The following CLVS1 variants were observed in gnomAD, a reference collection of about 807,000 sequenced individuals.
CLVS1 encodes clavesin-1.
CLVS1 carries 10 observed loss-of-function variants against 33.1 expected under a neutral mutation model. The ratio of observed to expected loss-of-function variants is 0.30; its 90% confidence interval spans 0.19 to 0.51. The LOEUF (loss-of-function observed/expected upper bound fraction) is 0.51. Ranked by LOEUF, CLVS1 falls within the 20% of genes least tolerant of loss-of-function variation. The pLI, the probability that CLVS1 is intolerant of heterozygous loss-of-function variation, is 0.97. For synonymous variants in CLVS1, 163 were observed against 166.1 expected (o/e 0.98, Z 0.14); for missense variants, 343 against 433.4 (o/e 0.79, Z 1.85).
chr8:61,167,402 G>A (rs1447769371), intron 2 of CLVS1, among the ~76,000 whole-genome samples: 2 of 151,818 alleles, frequency 1.3e-5, no homozygotes, highest in African/African-American at 2.4e-5. Flanking sequence ...GGCTGGTCTC[G>A]AAATCCTAAC....
At chr8:61,083,215 T>C (rs1805056885) in intron 1 of CLVS1, among the ~76,000 whole-genome samples, 1 of 152,168 alleles carries the variant, frequency 6.6e-6, no homozygotes, top group South Asian at 2.1e-4. Context: ...TCGGTAACTA[T>C]ACGTGCCACT....
intron 2 of CLVS1, among the ~76,000 whole-genome samples, chr8:61,145,104 T>C (rs1806388191): frequency 6.6e-6 from 1 of 152,174 alleles, no homozygotes. Context: ...AATTGACAAA[T>C]GAGATCTAAT....
chr8:61,433,683 G>A (rs1048335575), intron 3 of CLVS1, among the ~76,000 whole-genome samples: 18 of 152,056 alleles, frequency 1.2e-4, no homozygotes, highest in Non-Finnish European at 1.6e-4. Context: ...CCCCTGACCA[G>A]GTTTGAAGGG....
At chr8:61,470,813 C>T (rs145441343) in intron 5 of CLVS1, among the ~76,000 whole-genome samples, 1 of 152,208 alleles carries the variant, frequency 6.6e-6, no homozygotes, top group Non-Finnish European at 1.5e-5. Flanking sequence ...TTGTAGATAT[C>T]AGCTGAGCTT....
intron 3 of CLVS1, among the ~76,000 whole-genome samples, chr8:61,408,398 G>A (rs1815077500): frequency 6.6e-6 from 1 of 152,156 alleles, no homozygotes. Flanking sequence ...CGATTGAAAA[G>A]ACAGGCAAGT....
At chr8:61,134,028 T>C (rs1355052097) in intron 2 of CLVS1, among the ~76,000 whole-genome samples, 1 of 152,076 alleles carries the variant, frequency 6.6e-6, no homozygotes, top group East Asian at 1.9e-4. Context: ...GGAGTTAGTT[T>C]TAGACCCAGT....
chr8:61,179,327 C>T (rs1807183952), intron 2 of CLVS1, among the ~76,000 whole-genome samples: 2 of 152,164 alleles, frequency 1.3e-5, no homozygotes, highest in South Asian at 4.1e-4. Context: ...TACAGGAGCA[C>T]CAAGATTCAT....
At position 61,454,009 on chromosome 8, in the gene CLVS1, C is replaced by T. The variant is rs193233430; in HGVS notation, c.631-132C>T. 207 of 704,226 alleles carry T rather than the reference C, an allele frequency of 2.9e-4. 1 individual carries two copies. In the African/African-American group the frequency reaches 3.0e-3, roughly 10 times the overall value. The allele number at this position is 704,226 out of a possible 1,614,324, so 43.6% of individuals were successfully genotyped here. On this transcript the variant is annotated intron_variant, in intron 3 of 5. Coordinates refer to ENST00000325897, the MANE Select transcript of CLVS1 (RefSeq NM_173519.3). ...ATTAGGAAGTGAGTGTGTTTTCTTC[C>T]TCTCCTCATCCTGAAGCTAGAGCTT...
chr8:61,396,652 A>C (rs995920327), intron 3 of CLVS1, among the ~76,000 whole-genome samples: 3 of 152,138 alleles, frequency 2.0e-5, no homozygotes, highest in Admixed American at 6.5e-5. Context: ...CATTACCCCC[A>C]AAAACACTTC....
At chr8:61,457,445 A>T (rs1817208342) in intron 4 of CLVS1, among the ~76,000 whole-genome samples, 1 of 152,094 alleles carries the variant, frequency 6.6e-6, no homozygotes, top group African/African-American at 2.4e-5. Context: ...AGTGCTAATT[A>T]TCTATTCATG....
At chr8:61,407,698 A>G (rs948217026) in intron 3 of CLVS1, among the ~76,000 whole-genome samples, 1 of 152,248 alleles carries the variant, frequency 6.6e-6, no homozygotes, top group African/African-American at 2.4e-5. Context: ...TTTAAGTTAA[A>G]TATGCCTTAT....
chr8:61,477,678 T>G (rs1818006384), intron 5 of CLVS1, among the ~76,000 whole-genome samples: 1 of 152,202 alleles, frequency 6.6e-6, no homozygotes, highest in African/African-American at 2.4e-5. Flanking sequence ...GTCTATTTGA[T>G]TCTTCTCTCT....
intron 3 of CLVS1, among the ~76,000 whole-genome samples, chr8:61,408,874 A>G (rs1363495844): frequency 1.3e-5 from 2 of 152,194 alleles, no homozygotes; most frequent in Non-Finnish European, 2.9e-5. Context: ...AAAAGTTGGC[A>G]TCTCAAAGAT....
At chr8:61,060,814 C>T (rs2129277802) in intron 1 of CLVS1, among the ~76,000 whole-genome samples, 1 of 152,278 alleles carries the variant, frequency 6.6e-6, no homozygotes, top group African/African-American at 2.4e-5. Flanking sequence ...CCCGAGGCCA[C>T]AGAGCCAGCT....
chr8:61,050,908 C>T, the CLVS1 span, among the ~76,000 whole-genome samples: 104 of 152,304 alleles, frequency 6.8e-4, no homozygotes, highest in Middle Eastern at 3.4e-3. Context: ...TTTCCTCTTC[C>T]CTGCCACCCC....
chr8:61,162,028 T>C (rs1270141529), intron 2 of CLVS1, among the ~76,000 whole-genome samples: 2 of 151,984 alleles, frequency 1.3e-5, no homozygotes, highest in African/African-American at 2.4e-5. Flanking sequence ...GAAGATAATA[T>C]GCAAATGTTT....
chr8:61,384,665 T>A (rs542755561), intron 3 of CLVS1, among the ~76,000 whole-genome samples: 1 of 152,132 alleles, frequency 6.6e-6, no homozygotes, highest in Non-Finnish European at 1.5e-5. Flanking sequence ...TTTAAGATAC[T>A]GTGGATATCT....
chr8:61,016,590 A>G, the CLVS1 span, among the ~76,000 whole-genome samples: 1 of 152,226 alleles, frequency 6.6e-6, no homozygotes, highest in Admixed American at 6.5e-5. Flanking sequence ...CAGCTAAACT[A>G]TCACTTTCAG....
intron 1 of CLVS1, among the ~76,000 whole-genome samples, chr8:61,116,863 T>G (rs1805734539): frequency 7.0e-6 from 1 of 142,536 alleles, no homozygotes; most frequent in African/African-American, 2.7e-5. Flanking sequence ...GGCTCTTTTT[T>G]GGTTCCATAT....
Sources: allele counts gnomAD v4.1 joint callset (sites outside exome capture counted in the v4.1 genomes callset), GRCh38; gene constraint gnomAD v4.1.1; transcripts MANE v1.5; gene names NCBI Gene and HGNC (gene_info 2026-07-23, HGNC 2026-07-21).